AKAP13: variants seen among roughly 807,000 people sequenced by gnomAD.
The protein encoded by AKAP13 is A-kinase anchor protein 13.
A neutral mutation model predicts 264.5 loss-of-function variants in AKAP13; 80 were observed. That is an observed-to-expected ratio of 0.30 (90% confidence interval 0.25 to 0.36). The LOEUF (loss-of-function observed/expected upper bound fraction) is 0.36. Among genes scored for constraint, AKAP13 ranks in the 10% least tolerant of loss-of-function variants. AKAP13 has a pLI of 1.00. For synonymous variants in AKAP13, 1,380 were observed against 1,250.2 expected, an observed-to-expected ratio of 1.10 and a Z score of -2.19; for missense variants, 3,712 against 3,435.2, an observed-to-expected ratio of 1.08 and a Z score of -2.01.
intron 5 of AKAP13, among the ~76,000 whole-genome samples, chr15:85,552,119 G>A (rs2077978612): frequency 1.3e-5 from 2 of 152,214 alleles, no homozygotes; most frequent in South Asian, 2.1e-4. Context: ...TAAATATGAG[G>A]TAGTAAAAAA....
chr15:85,655,374 G>T (rs2083052175), intron 10 of AKAP13, 43 bp from the exon 11 acceptor site: 1 of 1,578,450 alleles, frequency 6.3e-7, no homozygotes, highest in African/African-American at 1.3e-5. Context: ...CTATCTGATT[G>T]GCCCTGCTGG....
At chr15:85,618,511 C>T (rs756714665) in intron 8 of AKAP13, among the ~76,000 whole-genome samples, 3 of 151,792 alleles carry the variant, frequency 2.0e-5, no homozygotes, top group Non-Finnish European at 2.9e-5. Flanking sequence ...TTTTTGCTTC[C>T]CTCAGTTCCT....
intron 19 of AKAP13, among the ~76,000 whole-genome samples, chr15:85,714,968 A>C (rs758812320): frequency 6.6e-6 from 1 of 151,104 alleles, no homozygotes; most frequent in East Asian, 1.9e-4. Context: ...CTGCATTTCA[A>C]AAAAAAAAGA....
chr15:85,716,928 T>G (rs2086984195), intron 20 of AKAP13, among the ~76,000 whole-genome samples: 1 of 152,232 alleles, frequency 6.6e-6, no homozygotes, highest in South Asian at 2.1e-4. Context: ...AAGTGCTAGA[T>G]CTGTAGTTAT....
intron 9 of AKAP13, among the ~76,000 whole-genome samples, chr15:85,640,850 T>G (rs1378644071): frequency 1.3e-5 from 2 of 152,220 alleles, no homozygotes; most frequent in African/African-American, 4.8e-5. Flanking sequence ...ATAGTTTAAT[T>G]TCTATATTTA....
intron 3 of AKAP13, among the ~76,000 whole-genome samples, chr15:85,526,044 C>T (rs547109637): frequency 6.6e-6 from 1 of 152,178 alleles, no homozygotes; most frequent in South Asian, 2.1e-4. Flanking sequence ...AACTACAAAC[C>T]TTTATTGACT....
intron 17 of AKAP13, among the ~76,000 whole-genome samples, chr15:85,705,463 A>T (rs977760867): frequency 2.7e-4 from 41 of 152,194 alleles, no homozygotes; most frequent in Admixed American, 2.4e-3. Context: ...AAGAAAAAAA[A>T]TATACTTTTT....
intron 8 of AKAP13, among the ~76,000 whole-genome samples, chr15:85,620,429 A>G (rs965705585): frequency 6.6e-6 from 1 of 152,174 alleles, no homozygotes; most frequent in Non-Finnish European, 1.5e-5. Flanking sequence ...TATGCTTGGG[A>G]GAACCTCATA....
At chr15:85,389,198 T>C (rs963221611) in intron 1 of AKAP13, among the ~76,000 whole-genome samples, 5 of 152,144 alleles carry the variant, frequency 3.3e-5, no homozygotes, top group African/African-American at 1.2e-4. Context: ...TCTATGCTGA[T>C]TTCTGGAGCT....
At chr15:85,467,110 C>G (rs1401185992) in intron 1 of AKAP13, among the ~76,000 whole-genome samples, 5 of 151,946 alleles carry the variant, frequency 3.3e-5, no homozygotes, top group Admixed American at 3.3e-4. Context: ...ACGTATGTAA[C>G]TCAATCATCC....
At chr15:85,466,410 G>A (rs1409085502) in intron 1 of AKAP13, among the ~76,000 whole-genome samples, 2 of 151,850 alleles carry the variant, frequency 1.3e-5, no homozygotes, top group African/African-American at 4.8e-5. Context: ...TTGGTGTTTT[G>A]GACATGAAGT....
chr15:85,645,119 CAAAAT>C (rs1403457724), intron 9 of AKAP13, among the ~76,000 whole-genome samples: 1 of 152,132 alleles, frequency 6.6e-6, no homozygotes, highest in Non-Finnish European at 1.5e-5. Context: ...GAACTTGTCT[CAAAAT>C]AAACAACACA....
chr15:85,735,280 C>A, intron 31 of AKAP13, 130 bp downstream of exon 31: 1 of 1,261,080 alleles, frequency 7.9e-7, no homozygotes, highest in Non-Finnish European at 1.1e-6. Context: ...TTTCAAGACA[C>A]TCAAGAGCTT....
intron 5 of AKAP13, among the ~76,000 whole-genome samples, chr15:85,573,502 A>T (rs1397204089): frequency 1.3e-5 from 2 of 151,782 alleles, no homozygotes; most frequent in African/African-American, 4.9e-5. Context: ...CCAAGATCGC[A>T]CCACCGCACT....
intron 1 of AKAP13, among the ~76,000 whole-genome samples, chr15:85,426,962 T>TG (rs954167749): frequency 7.4e-5 from 11 of 148,966 alleles, no homozygotes; most frequent in African/African-American, 2.7e-4. Flanking sequence ...TTTGTTTTTT[T>TG]TTTTTTTTTT....
intron 8 of AKAP13, among the ~76,000 whole-genome samples, chr15:85,612,160 GGTT>G (rs2080662458): frequency 6.6e-6 from 1 of 152,168 alleles, no homozygotes; most frequent in Non-Finnish European, 1.5e-5. Context: ...GAAATTTCCT[GGTT>G]GTTGTTGAAA....
intron 9 of AKAP13, among the ~76,000 whole-genome samples, chr15:85,642,883 T>G (rs1310133523): frequency 6.6e-6 from 1 of 152,182 alleles, no homozygotes; most frequent in Non-Finnish European, 1.5e-5. Flanking sequence ...GTGACAGCCC[T>G]TTCTTTTCTT....
intron 5 of AKAP13, among the ~76,000 whole-genome samples, chr15:85,551,253 T>C (rs910374349): frequency 1.3e-5 from 2 of 152,232 alleles, no homozygotes; most frequent in Non-Finnish European, 2.9e-5. Flanking sequence ...AATCTCAGGA[T>C]TGCCTATCTG....
chr15:85,485,639 A>T (rs1472273676), intron 1 of AKAP13, 71 bp from the exon 2 acceptor site: 10 of 1,347,682 alleles, frequency 7.4e-6, no homozygotes, highest in African/African-American at 1.4e-5. Flanking sequence ...GACACCTAGG[A>T]CTTTAGGTGG....
Sources: allele counts gnomAD v4.1 joint callset (sites outside exome capture counted in the v4.1 genomes callset), GRCh38; gene constraint gnomAD v4.1.1; transcripts MANE v1.5; gene names NCBI Gene and HGNC (gene_info 2026-07-23, HGNC 2026-07-21).